LUC7L2: variants seen among roughly 807,000 people sequenced by gnomAD.
LUC7L2 encodes LUC7 like 2, pre-mRNA splicing factor, also known as putative RNA-binding protein Luc7-like 2.
LUC7L2 carries 25 observed loss-of-function variants against 52.8 expected under a neutral mutation model. The ratio of observed to expected loss-of-function variants is 0.47; its 90% CI spans 0.34 to 0.66. The LOEUF (loss-of-function observed/expected upper bound fraction) is 0.66. Ranked by LOEUF, LUC7L2 falls within the 30% of genes least tolerant of loss-of-function variation. The pLI is 0.01. For missense variants in LUC7L2, 328 were observed against 497.8 expected, an observed-to-expected ratio of 0.66 and a Z score of 3.25; for synonymous variants, 144 against 160.9, an observed-to-expected ratio of 0.89 and a Z score of 0.80.
intron 4 of LUC7L2, 109 bp from the exon 5 acceptor site, chr7:139,405,535 C>A (rs550757268): frequency 3.7e-6 from 5 of 1,339,014 alleles, no homozygotes; most frequent in Non-Finnish European, 5.0e-6. Flanking sequence ...CATTCTTTAA[C>A]CACATACTGC....
chr7:139,392,841 A>T (rs1268554345), intron 2 of LUC7L2, among the ~76,000 whole-genome samples: 2 of 152,012 alleles, frequency 1.3e-5, no homozygotes, highest in Non-Finnish European at 2.9e-5. Context: ...TTTAGTAGAG[A>T]CGAGGTTTCT....
At position 139,417,662 on chromosome 7, in the gene LUC7L2, C is replaced by T. The variant is rs778100107; in HGVS notation, c.934C>T (p.Arg312Cys). The change falls in exon 9 of 10, where the codon CGC (arginine) becomes TGC (cysteine). Residue 312 changes from arginine to cysteine, a missense_variant. Physicochemically the swap from Arg to Cys is radical, Grantham distance 180 (BLOSUM62 -3). This residue lies in a region of LUC7L2 where 195 missense variants were observed against 223.3 expected (regional missense o/e 0.87). Transcript: ENST00000354926. ...CAGGTCCCGCTCCAGCAGCCGTAGCCGCAGCCGTAGCCACCAGAGAAGTCG... is the reference window on the plus strand; with the variant it reads ...CAGGTCCCGCTCCAGCAGCCGTAGCTGCAGCCGTAGCCACCAGAGAAGTCG... The part of the protein sequence containing the change: ...RHRSRSSSRS[R>C]SRSHQRSRHS... 9.3e-6 allele frequency: 15 copies of T among 1,613,760 alleles called. No homozygotes were observed. The highest frequency in any genetic ancestry group is 1.3e-5 in the African/African-American group (1 of 74,832).
intron 1 of LUC7L2, chr7:139,345,779 A>AT: frequency 2.1e-6 from 3 of 1,427,530 alleles, no homozygotes; most frequent in Non-Finnish European, 2.8e-6. Flanking sequence ...TTATCATTAA[A>AT]TTTTTTTTAA....
Position 139,360,260 on chromosome 7 carries a change from C to T in LUC7L2, c.-2C>T, listed in dbSNP as rs1481274100. 3 of 1,557,224 alleles carry T rather than the reference C, an allele frequency of 1.9e-6. No homozygotes were observed. The highest frequency in any genetic ancestry group is 1.4e-5 in the African/African-American group (1 of 73,228). On this transcript the variant is annotated 5_prime_UTR_variant, in exon 1 of 10. Transcript: ENST00000354926. ...CGCCCGTCCGCCCGCTACGCCGCCG[C>T]CATGTCGGCGCAGGCCCAGATGCGC...
chr7:139,409,647 C>T lies in LUC7L2; in HGVS notation c.772C>T (p.Leu258=), dbSNP rs1795270151. Residue 258 remains leucine, a synonymous_variant, in exon 7 of 10, where the codon CTG becomes TTG. Transcript: ENST00000354926. The stretch of plus-strand genomic sequence containing the variant: ...GAGAGAGAGAGAAGAAAGGGAGAAG[C>T]TGAGGAGGTATGGAGTAATGGGCCA... ...EEREREEREK[L]RRSRSHSKNP... The T allele has an allele frequency of 6.2e-7, 1 of 1,608,114 alleles. No homozygotes were observed. Among genetic ancestry groups the T allele is most frequent in the Admixed American group, 1.7e-5 (1 of 59,292 alleles).
In LUC7L2 at chr7:139,360,241, T is replaced by TCCGC. The variant is rs1381846208; in HGVS notation, c.-16_-13dup. On this transcript the variant is annotated 5_prime_UTR_variant, in exon 1 of 10. Transcript: ENST00000354926. ...CCGGTCTGCGCCCCACCCCCGCCCG[T>TCCGC]CCGCCCGCTACGCCGCCGCCATGTC... is the stretch of plus-strand genomic sequence containing the variant. The TCCGC allele has an allele frequency of 2.6e-5, 40 of 1,539,134 alleles. No individual in the cohort carries two copies. Among genetic ancestry groups the TCCGC allele is most frequent in the South Asian group, 3.6e-5 (3 of 83,608 alleles).
intron 8 of LUC7L2, 133 bp from the exon 9 acceptor site, chr7:139,417,405 T>C (rs1795670270): frequency 4.4e-6 from 5 of 1,123,794 alleles, no homozygotes; most frequent in African/African-American, 3.2e-5. Context: ...CAATTCAGTG[T>C]AGATTTAGCT....
rs913978655 is a variant in LUC7L2 at position 139,422,308 on chromosome 7, A to C, written c.1147A>C (p.Ser383Arg). ...TAATGGCAGATCAGAAGACAGGAGG[A>C]GCTCTGAAGAGCGCGAAGCAGGGGA... ...SANGRSEDRR[S>R]SEEREAGEI Residue 383 changes from serine to arginine, a missense_variant, in exon 10 of 10, where the codon AGC (serine) becomes CGC (arginine). Ser to Arg is a moderately radical substitution (Grantham distance 110). This residue lies in a region of LUC7L2 where 195 missense variants were observed against 223.3 expected (regional missense o/e 0.87). Transcript: ENST00000354926. The C allele has an allele frequency of 2.5e-6, 4 of 1,613,364 alleles. No homozygotes were observed. Among genetic ancestry groups the C allele is most frequent in the Non-Finnish European group, 3.4e-6 (4 of 1,179,878 alleles).
At chr7:139,401,998 T>TA in intron 3 of LUC7L2, 139 bp from the exon 4 acceptor site, 1 of 848,844 alleles carries the variant, frequency 1.2e-6, no homozygotes, top group Non-Finnish European at 1.7e-6. Context: ...CTTAGCCTCC[T>TA]AAAGTGCTCA....
chr7:139,402,013 C>A, intron 3 of LUC7L2, 124 bp from the exon 4 acceptor site: 1 of 1,018,964 alleles, frequency 9.8e-7, no homozygotes, highest in Non-Finnish European at 1.3e-6. Context: ...TGCTCAATTA[C>A]TGACGTGAGC....
chr7:139,366,503 G>A (rs1377514263), intron 1 of LUC7L2, among the ~76,000 whole-genome samples: 1 of 150,298 alleles, frequency 6.7e-6, no homozygotes, highest in East Asian at 1.9e-4. Context: ...AATAGTTAAA[G>A]TTACTTGAAG....
At chr7:139,354,320 T>C (rs1487868217) in intron 1 of LUC7L2, among the ~76,000 whole-genome samples, 1 of 152,160 alleles carries the variant, frequency 6.6e-6, no homozygotes, top group African/African-American at 2.4e-5. Context: ...CCAAGACAAG[T>C]AGCGTAGCAC....
rs777310815 is a variant in LUC7L2, at chr7:139,422,278, A to T, written c.1117A>T (p.Ser373Cys). Reference protein sequence around the residue: ...DRKDKKRSYESANGRSEDRRS... With the variant: ...DRKDKKRSYECANGRSEDRRS... ...GAAAGATAAGAAGCGGTCCTATGAG[A>T]GTGCTAATGGCAGATCAGAAGACAG... is the stretch of plus-strand genomic sequence containing the variant. Residue 373 changes from serine (S) to cysteine (C), a missense_variant, in exon 10 of 10, where the codon AGT becomes TGT. Coordinates refer to ENST00000354926, the MANE Select transcript of LUC7L2 (RefSeq NM_016019.5). 1 of 1,614,200 alleles carries T rather than the reference A, an allele frequency of 6.2e-7. No individual in the cohort carries two copies. The highest frequency in any genetic ancestry group is 1.1e-5 in the South Asian group (1 of 91,076).
chr7:139,392,720 ATCTT>A (rs1794495692), intron 2 of LUC7L2: 1 of 167,890 alleles, frequency 6.0e-6, no homozygotes, highest in African/African-American at 2.4e-5. Context: ...CAATGGTGTG[ATCTT>A]GGCTCACCGC....
chr7:139,356,194 C>G (rs1188301430), upstream of LUC7L2, among the ~76,000 whole-genome samples: 4 of 151,624 alleles, frequency 2.6e-5, no homozygotes, highest in African/African-American at 9.7e-5. Context: ...CCTGCAGTCC[C>G]AGCTACTTGA....
intron 1 of LUC7L2, among the ~76,000 whole-genome samples, chr7:139,343,178 C>A (rs1233090678): frequency 6.6e-6 from 1 of 152,182 alleles, no homozygotes; most frequent in Non-Finnish European, 1.5e-5. Context: ...ATTCCCATGT[C>A]AAATTCCACA....
chr7:139,389,316 T>A (rs1585104956), intron 2 of LUC7L2, among the ~76,000 whole-genome samples: 1 of 152,194 alleles, frequency 6.6e-6, no homozygotes, highest in East Asian at 1.9e-4. Flanking sequence ...ATTTTCAGAC[T>A]CTTTCACCAT....
chr7:139,359,485 G>A (rs1274758214), upstream of LUC7L2: 1 of 206,372 alleles, frequency 4.8e-6, no homozygotes, highest in African/African-American at 2.3e-5. Context: ...ACTCGGGGCG[G>A]GCGTTCGCCC....
chr7:139,388,653 ATACTAGATGCTGC>A (rs1256888751), intron 2 of LUC7L2, among the ~76,000 whole-genome samples: 1 of 150,330 alleles, frequency 6.7e-6, no homozygotes, highest in East Asian at 1.9e-4. Flanking sequence ...TATCTGTATC[ATACTAGATGCTGC>A]TACTTAGATT....
Sources: gnomAD v4.1 joint callset for allele counts (sites outside exome capture counted in the v4.1 genomes callset) on GRCh38, gnomAD v4.1.1 for gene constraint, gnomAD v4.1.1 regional missense constraint, MANE v1.5 for transcripts, NCBI Gene and HGNC (gene_info 2026-07-23, HGNC 2026-07-21) for gene names.